The following TFAP2D variants were observed in gnomAD, a reference collection of about 807,000 sequenced individuals.
TFAP2D encodes transcription factor AP-2 delta.
In TFAP2D, 9 loss-of-function variants were observed where a neutral mutation model predicts 43.6. The ratio of observed to expected loss-of-function variants is 0.21; its 90% CI spans 0.12 to 0.36. TFAP2D has a LOEUF of 0.36. Among genes scored for constraint, TFAP2D ranks in the 10% least tolerant of loss-of-function variants. The pLI, the probability that TFAP2D is intolerant of heterozygous loss-of-function variation, is 1.00. For missense variants in TFAP2D, 513 were observed against 561.4 expected, an observed-to-expected ratio of 0.91 and a Z score of 0.87; for synonymous variants, 256 against 224.9, an observed-to-expected ratio of 1.14 and a Z score of -1.24.
At chr6:50,745,677 G>A (rs1005977782) in intron 6 of TFAP2D, among the ~76,000 whole-genome samples, 3 of 152,128 alleles carry the variant, frequency 2.0e-5, no homozygotes, top group Non-Finnish European at 4.4e-5. Context: ...ACACGTTGGT[G>A]AGAGGTACCA....
At chr6:50,751,389 G>C (rs551939594) in intron 7 of TFAP2D, 65 bp downstream of exon 7, 1 of 1,114,248 alleles carries the variant, frequency 9.0e-7, no homozygotes, top group African/African-American at 1.5e-5. Context: ...TCCTATCACA[G>C]TTCTATTTAG....
Position 50,715,619 on chromosome 6 carries a change from T to C in TFAP2D, c.537+6T>C, listed in dbSNP as rs777965021. ...CGGGAGCAGACGACTTGCAGGTAAA[T>C]AAGCATGCAGCGAATTTGTCTGCTC... On this transcript the variant is annotated splice_donor_region_variant and intron_variant, in intron 2 of 7. Coordinates refer to ENST00000008391, the MANE Select transcript of TFAP2D (RefSeq NM_172238.4). The C allele has an allele frequency of 1.3e-6, 2 of 1,586,524 alleles. No homozygotes were observed. The highest frequency in any genetic ancestry group is 1.7e-6 in the Non-Finnish European group (2 of 1,166,034).
intron 5 of TFAP2D, among the ~76,000 whole-genome samples, chr6:50,743,836 A>G (rs1769087910): frequency 6.6e-6 from 1 of 152,166 alleles, no homozygotes; most frequent in Admixed American, 6.5e-5. Flanking sequence ...AAAAGATTAT[A>G]GGTAATATTC....
At chr6:50,770,930 A>G (rs1344054779) in intron 7 of TFAP2D, among the ~76,000 whole-genome samples, 1 of 152,128 alleles carries the variant, frequency 6.6e-6, no homozygotes, top group Non-Finnish European at 1.5e-5. Context: ...ACTATGTGAC[A>G]AGGATGTTTT....
intron 5 of TFAP2D, among the ~76,000 whole-genome samples, chr6:50,744,003 G>C (rs1769090688): frequency 6.6e-6 from 1 of 152,098 alleles, no homozygotes; most frequent in South Asian, 2.1e-4. Context: ...GAATAAGGTA[G>C]GTGAGTAGAT....
At position 50,715,422 on chromosome 6, in the gene TFAP2D, C is replaced by T. The variant is rs747085597; in HGVS notation, c.346C>T (p.Leu116=). 1.3e-5 allele frequency: 21 copies of T among 1,614,162 alleles called. No homozygotes were observed. The highest frequency in any genetic ancestry group is 1.8e-5 in the Non-Finnish European group (21 of 1,180,046). Residue 116 remains leucine, a synonymous_variant, in exon 2 of 8, where the codon CTG becomes TTG. Coordinates refer to ENST00000008391, the MANE Select transcript of TFAP2D (RefSeq NM_172238.4). Reference sequence around the variant, plus strand: ...CGGGGAGCCCACCGACTTTATTAACCTGCACAATGCGCGGGCGCTCAAGTC... The same window carrying T: ...CGGGGAGCCCACCGACTTTATTAACTTGCACAATGCGCGGGCGCTCAAGTC... ...HHGEPTDFIN[L]HNARALKSSC...
chr6:50,747,109 C>A (rs1581771326), intron 6 of TFAP2D, among the ~76,000 whole-genome samples: 3 of 152,172 alleles, frequency 2.0e-5, no homozygotes, highest in East Asian at 3.9e-4. Flanking sequence ...TAAATCTGAA[C>A]CTTTTGCATA....
intron 5 of TFAP2D, among the ~76,000 whole-genome samples, chr6:50,731,488 AC>A (rs1768892679): frequency 6.6e-6 from 1 of 151,944 alleles, no homozygotes; most frequent in East Asian, 1.9e-4. Context: ...AAGTTTTAGT[AC>A]TATGTACAAT....
chr6:50,730,994 A>G (rs1768885400), intron 5 of TFAP2D, among the ~76,000 whole-genome samples: 1 of 152,094 alleles, frequency 6.6e-6, no homozygotes, highest in African/African-American at 2.4e-5. Context: ...GTACTAACGG[A>G]AGACCCACAA....
At chr6:50,719,667 G>A (rs1363221403) in intron 3 of TFAP2D, among the ~76,000 whole-genome samples, 3 of 152,188 alleles carry the variant, frequency 2.0e-5, no homozygotes, top group African/African-American at 7.2e-5. Context: ...TGAGGCTTCA[G>A]GGGAGGCTAA....
chr6:50,715,057 G>A (rs952354165), intron 1 of TFAP2D, 59 bp from the exon 2 acceptor site: 22 of 1,568,010 alleles, frequency 1.4e-5, no homozygotes, highest in Non-Finnish European at 1.9e-5. Flanking sequence ...CGGCGCCTTG[G>A]TTGCAAAATG....
chr6:50,719,816 T>C (rs1422645255), intron 3 of TFAP2D, among the ~76,000 whole-genome samples: 1 of 152,188 alleles, frequency 6.6e-6, no homozygotes, highest in East Asian at 1.9e-4. Context: ...GGGAAACATC[T>C]GAATCCAGAG....
At chr6:50,741,423 G>C (rs890635938) in intron 5 of TFAP2D, among the ~76,000 whole-genome samples, 1 of 151,876 alleles carries the variant, frequency 6.6e-6, no homozygotes, top group African/African-American at 2.4e-5. Flanking sequence ...TATTTTTCCC[G>C]ATCTCTCTCC....
chr6:50,761,925 T>C (rs531855334), intron 7 of TFAP2D, among the ~76,000 whole-genome samples: 6 of 152,164 alleles, frequency 3.9e-5, no homozygotes, highest in Admixed American at 3.9e-4. Context: ...GAGCAAGAAA[T>C]GCACTTAACC....
chr6:50,763,262 A>G (rs1026867458), intron 7 of TFAP2D, among the ~76,000 whole-genome samples: 4 of 152,118 alleles, frequency 2.6e-5, no homozygotes, highest in Non-Finnish European at 5.9e-5. Flanking sequence ...TTGTTAATTA[A>G]TGTGTCCAGC....
At position 50,731,050 on chromosome 6, in the gene TFAP2D, A is replaced by G. The variant is rs973268955; in HGVS notation, c.883+1738A>G. Among the ~76,000 whole-genome samples, 5 of 152,184 alleles carry G rather than the reference A, an allele frequency of 3.3e-5. No individual in the cohort carries two copies. In the East Asian group the frequency reaches 9.7e-4, roughly 29 times the overall value. On this transcript the variant is annotated intron_variant, in intron 5 of 7. Transcript: ENST00000008391. ...ACTGATTTTTATGGTAGCCAAGAGCACTGGGATATCCTGCATGGGAATTAT... is the reference window on the plus strand; with the variant it reads ...ACTGATTTTTATGGTAGCCAAGAGCGCTGGGATATCCTGCATGGGAATTAT...
chr6:50,757,434 G>T (rs5016910), intron 7 of TFAP2D, among the ~76,000 whole-genome samples: 17,564 of 82,702 alleles, frequency 0.21, 2,866 homozygotes, highest in East Asian at 0.4. Context: ...AATATATATA[G>T]AATATATATA....
intron 5 of TFAP2D, among the ~76,000 whole-genome samples, chr6:50,736,861 A>G (rs958202290): frequency 6.6e-6 from 1 of 152,160 alleles, no homozygotes; most frequent in Non-Finnish European, 1.5e-5. Context: ...GCACATAGTG[A>G]TGCTCACTAA....
chr6:50,753,748 A>G (rs552952818), intron 7 of TFAP2D, among the ~76,000 whole-genome samples: 1 of 151,964 alleles, frequency 6.6e-6, no homozygotes, highest in Non-Finnish European at 1.5e-5. Flanking sequence ...CATCTATAAA[A>G]TGTTGATATT....
Sources: allele counts gnomAD v4.1 joint callset (sites outside exome capture counted in the v4.1 genomes callset), GRCh38; gene constraint gnomAD v4.1.1; transcripts MANE v1.5; gene names NCBI Gene and HGNC (gene_info 2026-07-23, HGNC 2026-07-21).